ERBB4: variants seen among roughly 807,000 people sequenced by gnomAD.
ERBB4 encodes the protein receptor tyrosine-protein kinase erbB-4.
A neutral mutation model predicts 158.0 loss-of-function variants in ERBB4; 42 were observed. The observed-to-expected ratio is 0.27, with a 90% CI of 0.21 to 0.34. The LOEUF is 0.34. ERBB4 is among the 10% of genes least tolerant of loss of function. ERBB4 has a pLI of 1.00. For missense variants in ERBB4, 1,333 were observed against 1,624.1 expected (o/e 0.82, Z 3.08); for synonymous variants, 583 against 558.7 (o/e 1.04, Z -0.61).
At chr2:211,677,498 G>A (rs1210566672) in intron 13 of ERBB4, among the ~76,000 whole-genome samples, 1 of 151,674 alleles carries the variant, frequency 6.6e-6, no homozygotes, top group African/African-American at 2.4e-5. Context: ...GGGAGGTGGA[G>A]GTTGTGGTGA....
intron 19 of ERBB4, among the ~76,000 whole-genome samples, chr2:211,579,535 C>T (rs76862352): frequency 6.6e-6 from 1 of 152,186 alleles, no homozygotes; most frequent in South Asian, 2.1e-4. Flanking sequence ...ATAGCAAAGA[C>T]ATGGAATCAA....
chr2:212,092,973 CAAT>C (rs1432937661), intron 2 of ERBB4, among the ~76,000 whole-genome samples: 1 of 152,062 alleles, frequency 6.6e-6, no homozygotes, highest in African/African-American at 2.4e-5. Flanking sequence ...AAAAATTAGG[CAAT>C]ACAGAAACAC....
At chr2:211,673,476 T>C (rs1052834372) in intron 13 of ERBB4, among the ~76,000 whole-genome samples, 2 of 123,410 alleles carry the variant, frequency 1.6e-5, no homozygotes, top group African/African-American at 6.3e-5. Context: ...GTTAGACTCA[T>C]TCTGGAAACC....
chr2:211,561,621 C>T, intron 20 of ERBB4: 1 of 435,084 alleles, frequency 2.3e-6, no homozygotes, highest in South Asian at 2.2e-5. Context: ...ATAAGCCAAA[C>T]AAATCCAGTA....
intron 3 of ERBB4, among the ~76,000 whole-genome samples, chr2:211,813,402 A>G (rs909637743): frequency 6.6e-6 from 1 of 152,206 alleles, no homozygotes; most frequent in African/African-American, 2.4e-5. Flanking sequence ...TTAAAATAAT[A>G]TAAAGAAATG....
intron 1 of ERBB4, among the ~76,000 whole-genome samples, chr2:212,216,233 A>C (rs914587396): frequency 1.3e-5 from 2 of 151,328 alleles, no homozygotes; most frequent in Non-Finnish European, 3.0e-5. Context: ...ATCTTTCAAC[A>C]TCCTTATCAT....
intron 1 of ERBB4, among the ~76,000 whole-genome samples, chr2:212,368,548 T>A (rs1051918203): frequency 1.3e-5 from 2 of 151,784 alleles, no homozygotes; most frequent in Non-Finnish European, 2.9e-5. Flanking sequence ...TGTAACCAAA[T>A]CCCACCTTTA....
intron 5 of ERBB4, among the ~76,000 whole-genome samples, chr2:211,740,249 C>T (rs1010564877): frequency 1.3e-5 from 2 of 152,054 alleles, no homozygotes; most frequent in Admixed American, 1.3e-4. Flanking sequence ...AAATAACTGT[C>T]TTCAGTGAGA....
rs997527335 is a variant in ERBB4 at position 212,227,545 on chromosome 2, T to C, written c.83-102642A>G. 1.3e-4 allele frequency among the ~76,000 whole-genome samples: 20 copies of C among 152,218 alleles called. 2 individuals carry two copies. The highest frequency in any genetic ancestry group is 4.6e-4 in the African/African-American group (19 of 41,464). On this transcript the variant is annotated intron_variant, in intron 1 of 27. Coordinates refer to ENST00000342788, the MANE Select transcript of ERBB4 (RefSeq NM_005235.3). ...TTAATTTGAATAGTTACTTTATATA[T>C]TGAGAACCAATTCCTTCAAAATAAC...
At chr2:211,666,027 G>A (rs775870550) in intron 14 of ERBB4, among the ~76,000 whole-genome samples, 1 of 152,192 alleles carries the variant, frequency 6.6e-6, no homozygotes, top group Non-Finnish European at 1.5e-5. Context: ...AGAGTAGGAT[G>A]TAAACTTTCC....
chr2:211,412,737 C>T (rs1213247556), intron 25 of ERBB4, among the ~76,000 whole-genome samples: 4 of 151,892 alleles, frequency 2.6e-5, no homozygotes, highest in Non-Finnish European at 4.4e-5. Flanking sequence ...GGGTGGATGA[C>T]GAGGTCAGGA....
intron 1 of ERBB4, among the ~76,000 whole-genome samples, chr2:212,153,955 T>C (rs1415353936): frequency 1.3e-5 from 2 of 151,916 alleles, no homozygotes; most frequent in African/African-American, 2.4e-5. Flanking sequence ...GTATGGAAAA[T>C]GGTTCACTTT....
intron 1 of ERBB4, among the ~76,000 whole-genome samples, chr2:212,414,326 A>C (rs2091589783): frequency 1.3e-5 from 2 of 152,176 alleles, no homozygotes; most frequent in Non-Finnish European, 2.9e-5. Context: ...TTTTCATTCT[A>C]TATTCTTTTA....
intron 3 of ERBB4, among the ~76,000 whole-genome samples, chr2:211,889,071 T>C (rs2078891277): frequency 1.4e-5 from 2 of 141,490 alleles, no homozygotes; most frequent in Admixed American, 1.4e-4. Flanking sequence ...CCTGCCTGCC[T>C]CTGTAGGCTC....
In ERBB4 at chr2:211,424,280, A is replaced by G; in HGVS notation, c.2741T>C (p.Met914Thr). Residue 914 changes from methionine to threonine, a missense_variant, in exon 23 of 28, where the codon ATG becomes ACG. Around this residue, in one of 5 missense-constraint regions of ERBB4, gnomAD observed 314 missense variants for 437.6 expected, o/e 0.72. Transcript: ENST00000342788. ...WSYGVTIWEL[M>T]TFGGKPYDGI... ...ATCATAGGGTTTTCCTCCAAAGGTC[A>G]TCAGTTCCCATATAGTAACTCCTAT... The G allele has an allele frequency of 6.2e-7, 1 of 1,612,892 alleles. No individual in the cohort carries two copies. The highest frequency in any genetic ancestry group is 8.5e-7 in the Non-Finnish European group (1 of 1,179,190).
At chr2:211,760,100 T>C (rs1249964462) in intron 4 of ERBB4, among the ~76,000 whole-genome samples, 1 of 152,218 alleles carries the variant, frequency 6.6e-6, no homozygotes. Flanking sequence ...TTTCACATCA[T>C]ATTTTTCAGC....
chr2:212,232,395 A>G (rs2083698529), intron 1 of ERBB4, among the ~76,000 whole-genome samples: 1 of 152,058 alleles, frequency 6.6e-6, no homozygotes, highest in African/African-American at 2.4e-5. Flanking sequence ...GGAGTAAGTA[A>G]AGATTTTACT....
At chr2:212,384,920 T>TATATAC (rs764463489) in intron 1 of ERBB4, among the ~76,000 whole-genome samples, 140 of 123,756 alleles carry the variant, frequency 1.1e-3, no homozygotes, top group African/African-American at 3.3e-3. Flanking sequence ...TATATATATA[T>TATATAC]ACACACACAC....
At chr2:212,166,629 A>G (rs1037651407) in intron 1 of ERBB4, among the ~76,000 whole-genome samples, 9 of 152,020 alleles carry the variant, frequency 5.9e-5, no homozygotes, top group African/African-American at 1.7e-4. Flanking sequence ...GACCCCGTAC[A>G]GCCAAGACAA....
Sources: allele counts gnomAD v4.1 joint callset (sites outside exome capture counted in the v4.1 genomes callset), GRCh38; gene constraint gnomAD v4.1.1; regional missense constraint gnomAD v4.1.1; transcripts MANE v1.5; gene names NCBI Gene and HGNC (gene_info 2026-07-23, HGNC 2026-07-21).